Variants in NUP98 observed in about 807,000 individuals in gnomAD.
The protein encoded by NUP98 is nucleoporin 98 and 96 precursor.
NUP98 carries 26 observed loss-of-function variants against 191.9 expected under a neutral mutation model. The ratio of observed to expected loss-of-function variants is 0.14; its 90% CI spans 0.10 to 0.19. The LOEUF (loss-of-function observed/expected upper bound fraction) is 0.19. NUP98 is among the 10% of genes least tolerant of loss of function. The probability of loss-of-function intolerance (pLI) is 1.00; values close to 1 mark genes in which losing one functional copy is unlikely to be tolerated. For missense variants in NUP98, 1,941 were observed against 2,178.8 expected, an observed-to-expected ratio of 0.89 and a Z score of 2.17; for synonymous variants, 808 against 778.4, an observed-to-expected ratio of 1.04 and a Z score of -0.63.
chr11:3,752,338 G>A (rs1589879470), intron 11 of NUP98, among the ~76,000 whole-genome samples: 1 of 151,696 alleles, frequency 6.6e-6, no homozygotes, highest in Admixed American at 6.6e-5. Context: ...CCAACATAGT[G>A]ACACCCCATC....
chr11:3,726,514 G>A (rs1227462276), intron 14 of NUP98, among the ~76,000 whole-genome samples: 1 of 143,634 alleles, frequency 7.0e-6, no homozygotes, highest in Non-Finnish European at 1.5e-5. Context: ...CCCTATAGAC[G>A]CCACTGACAT....
In NUP98 at chr11:3,768,758, G is replaced by GAAA; in HGVS notation, c.785-17_785-15dup. The GAAA allele has an allele frequency of 1.2e-6, 1 of 800,486 alleles. No homozygotes were observed. Among genetic ancestry groups the GAAA allele is most frequent in the Non-Finnish European group, 1.5e-6 (1 of 645,980 alleles). The allele number at this position is 800,486 out of a possible 1,614,324, so 49.6% of individuals were successfully genotyped here. A position where few individuals can be genotyped will look rare whatever the true frequency, so the allele number is the denominator to read the frequency against. On this transcript the variant is annotated splice_polypyrimidine_tract_variant and intron_variant, in intron 7 of 32. Transcript: ENST00000324932. The stretch of plus-strand genomic sequence containing the variant: ...ATCCAGTTGTACCTTTTAGGAAAAA[G>GAAA]AAAAAAAAAAGAAAAAAGAAATAAT...
intron 3 of NUP98, 27 bp from the exon 4 acceptor site, chr11:3,779,076 A>G: frequency 6.2e-7 from 1 of 1,613,970 alleles, no homozygotes; most frequent in Non-Finnish European, 8.5e-7. Context: ...GGAGGGAAAA[A>G]GTTAAGTACA....
chr11:3,787,144 G>A (rs1408970822), intron 1 of NUP98, among the ~76,000 whole-genome samples: 1 of 152,198 alleles, frequency 6.6e-6, no homozygotes. Flanking sequence ...AAACGAGGCT[G>A]GGTGGAATTC....
chr11:3,716,337 A>G (rs889919719), intron 18 of NUP98, among the ~76,000 whole-genome samples: 5 of 150,628 alleles, frequency 3.3e-5, no homozygotes, highest in Non-Finnish European at 7.4e-5. Flanking sequence ...CCGATCAAAT[A>G]ATTTTTTTTT....
At chr11:3,688,219 A>G (rs1276446704) in intron 28 of NUP98, among the ~76,000 whole-genome samples, 3 of 151,980 alleles carry the variant, frequency 2.0e-5, no homozygotes, top group Admixed American at 6.6e-5. Flanking sequence ...CCTGGCTAAC[A>G]TGGTGAAACC....
chr11:3,742,809 T>C (rs2080333947), intron 12 of NUP98, among the ~76,000 whole-genome samples: 1 of 152,080 alleles, frequency 6.6e-6, no homozygotes, highest in Non-Finnish European at 1.5e-5. Flanking sequence ...ATTATCACCT[T>C]GTTGACAGAA....
chr11:3,723,285 G>C lies in NUP98; in HGVS notation c.2018C>G (p.Ala673Gly), dbSNP rs760313790. Reference sequence around the variant, plus strand: ...TCGCAAAGCAGCACGCATGTTTAATGCAACAATGGTATCATCCACACTGTT... The same window carrying C: ...TCGCAAAGCAGCACGCATGTTTAATCCAACAATGGTATCATCCACACTGTT... ...NSNSVDDTIV[A>G]LNMRAALRNG... is the part of the protein sequence containing the mutation. Residue 673 changes from alanine (A) to glycine (G), a missense_variant, in exon 16 of 33, where the codon GCA becomes GGA. Ala to Gly is a moderately conservative substitution (Grantham distance 60). Coordinates refer to ENST00000324932, the MANE Select transcript of NUP98 (RefSeq NM_016320.5). 44 of 1,614,122 alleles carry C rather than the reference G, an allele frequency of 2.7e-5. No individual in the cohort carries two copies. In the Middle Eastern group the frequency reaches 6.6e-4, roughly 24 times the overall value.
Position 3,713,930 on chromosome 11 carries a change from C to T in NUP98, c.2465G>A (p.Ser822Asn), listed in dbSNP as rs2079096076. 1 of 1,614,120 alleles carries T rather than the reference C, an allele frequency of 6.2e-7. No individual in the cohort carries two copies. The highest frequency in any genetic ancestry group is 8.5e-7 in the Non-Finnish European group (1 of 1,180,026). ...TDKTSRCLIK[S>N]PDRLADINYE... Reference sequence around the variant, plus strand: ...GTTGATATCAGCAAGGCGATCTGGGCTCTTTATTAAACAACGAGATGTTTT... The same window carrying T: ...GTTGATATCAGCAAGGCGATCTGGGTTCTTTATTAAACAACGAGATGTTTT... Residue 822 changes from serine (S) to asparagine (N), a missense_variant, in exon 19 of 33, where the codon AGC (serine) becomes AAC (asparagine). Coordinates refer to ENST00000324932, the MANE Select transcript of NUP98 (RefSeq NM_016320.5).
At chr11:3,742,104 C>G (rs1408950171) in intron 12 of NUP98, among the ~76,000 whole-genome samples, 2 of 152,136 alleles carry the variant, frequency 1.3e-5, no homozygotes, top group Non-Finnish European at 2.9e-5. Flanking sequence ...TAATCAGAGT[C>G]CACACTGCTG....
intron 18 of NUP98, among the ~76,000 whole-genome samples, chr11:3,715,707 T>A (rs897667079): frequency 1.3e-5 from 2 of 152,174 alleles, no homozygotes; most frequent in African/African-American, 4.8e-5. Flanking sequence ...ATGGTGAAAC[T>A]CCTGAGTTCA....
intron 28 of NUP98, among the ~76,000 whole-genome samples, chr11:3,689,207 C>T (rs963403903): frequency 6.6e-6 from 1 of 151,776 alleles, no homozygotes; most frequent in Non-Finnish European, 1.5e-5. Context: ...CACACCAGCC[C>T]GGGTGACAGA....
chr11:3,737,659 C>T (rs2080119684), intron 12 of NUP98, among the ~76,000 whole-genome samples: 1 of 151,964 alleles, frequency 6.6e-6, no homozygotes. Context: ...ACAGAACAGG[C>T]TGCTATAGCT....
chr11:3,696,011 G>C (rs530865930), intron 25 of NUP98, among the ~76,000 whole-genome samples: 4 of 151,592 alleles, frequency 2.6e-5, no homozygotes, highest in South Asian at 4.2e-4. Flanking sequence ...GACCAACATG[G>C]TGAAACCCCG....
chr11:3,763,098 C>A, intron 8 of NUP98, 59 bp from the exon 9 acceptor site: 1 of 1,499,748 alleles, frequency 6.7e-7, no homozygotes, highest in Non-Finnish European at 9.1e-7. Context: ...TAACGAATCT[C>A]AGAGTAATAA....
chr11:3,725,706 C>G (rs1470937667), intron 14 of NUP98, among the ~76,000 whole-genome samples: 1 of 152,000 alleles, frequency 6.6e-6, no homozygotes, highest in Non-Finnish European at 1.5e-5. Context: ...TTGGTTTGCC[C>G]AAAGAGAGAG....
intron 11 of NUP98, among the ~76,000 whole-genome samples, chr11:3,749,329 T>A (rs1434785693): frequency 5.6e-5 from 7 of 124,436 alleles, no homozygotes; most frequent in East Asian, 2.4e-4. Context: ...AAAAAATAAA[T>A]AAATAAATTA....
chr11:3,729,738 A>AG (rs1308098155), intron 14 of NUP98, among the ~76,000 whole-genome samples: 3 of 146,514 alleles, frequency 2.0e-5, no homozygotes, highest in African/African-American at 7.7e-5. Context: ...AAAAAAAAAA[A>AG]AAAGGATGAC....
chr11:3,748,201 G>T (rs1324912203), intron 11 of NUP98, among the ~76,000 whole-genome samples: 1 of 152,198 alleles, frequency 6.6e-6, no homozygotes, highest in Non-Finnish European at 1.5e-5. Context: ...TAGAGTCTTG[G>T]AATATGGGGG....
Sources: allele counts gnomAD v4.1 joint callset (sites outside exome capture counted in the v4.1 genomes callset), GRCh38; gene constraint gnomAD v4.1.1; transcripts MANE v1.5; gene names NCBI Gene and HGNC (gene_info 2026-07-23, HGNC 2026-07-21).